NGLY1: variants seen among roughly 807,000 people sequenced by gnomAD.
NGLY1 encodes the protein N-glycanase 1.
NGLY1 carries 68 observed loss-of-function variants against 84.6 expected under a neutral mutation model. The observed-to-expected ratio is 0.80, with a 90% CI of 0.66 to 0.98. The LOEUF (loss-of-function observed/expected upper bound fraction) is 0.98, where lower values mean the gene tolerates loss of function less well. Ranked by LOEUF, NGLY1 falls within the 50% of genes least tolerant of loss-of-function variation. The pLI is 0.00. For synonymous variants in NGLY1, 280 were observed against 275.2 expected (o/e 1.02, Z -0.17); for missense variants, 779 against 770.2 (o/e 1.01, Z -0.14).
intron 5 of NGLY1, among the ~76,000 whole-genome samples, chr3:25,739,050 A>G (rs1274180644): frequency 6.6e-6 from 1 of 152,202 alleles, no homozygotes; most frequent in Non-Finnish European, 1.5e-5. Context: ...TGATAATAAT[A>G]ATGCTGATTA....
rs1340552338 is a variant in NGLY1, at chr3:25,734,082, T to C, written c.1150-100A>G. Reference sequence around the variant, plus strand: ...GTATGTAATTTTTAAATGCATTTTTTTGGAGACGAAGTCTCGCTCTGTTGT... The same window carrying C: ...GTATGTAATTTTTAAATGCATTTTTCTGGAGACGAAGTCTCGCTCTGTTGT... On this transcript the variant is annotated intron_variant, in intron 7 of 11. Coordinates refer to ENST00000280700, the MANE Select transcript of NGLY1 (RefSeq NM_018297.4). 2.7e-6 allele frequency: 4 copies of C among 1,498,900 alleles called. No individual in the cohort carries two copies. The African/African-American group carries it at 4.2e-5, about 16-fold the overall frequency. 92.9% of individuals were successfully genotyped at this position (1,498,900 alleles called of 1,614,324 possible).
intron 4 of NGLY1, among the ~76,000 whole-genome samples, chr3:25,743,995 T>C (rs1045377189): frequency 3.9e-5 from 6 of 152,202 alleles, no homozygotes; most frequent in Non-Finnish European, 8.8e-5. Flanking sequence ...ATTCTGTGAA[T>C]ACTGGGTTTA....
rs2125456752 is a variant in NGLY1, at chr3:25,727,642, T to C, written c.1611+1491A>G. Among the ~76,000 whole-genome samples the C allele has an allele frequency of 1.3e-5, 2 of 152,284 alleles. 1 individual carries two copies. Among genetic ancestry groups the C allele is most frequent in the South Asian group, 4.1e-4 (2 of 4,826 alleles). On this transcript the variant is annotated intron_variant, in intron 10 of 11. Transcript: ENST00000280700. ...TTATGCTTTGGCTTCCCCTTTTAGA[T>C]CGTGAGGTCAGGAATCATCTTTTTG...
rs1332390500 is a variant in NGLY1 at position 25,737,378 on chromosome 3, C to G, written c.959G>C (p.Cys320Ser). The change falls in exon 6 of 12, where the codon TGC (cysteine) becomes TCC (serine). Residue 320 changes from cysteine to serine, a missense_variant. Coordinates refer to ENST00000280700, the MANE Select transcript of NGLY1 (RefSeq NM_018297.4). ...GCGAGCTTCAAACCCTACAGCTCGG[C>G]AGCACAGTGTAAAACAATTGGCCCA... ...GEWANCFTLCCRAVGFEARYV... is the reference protein window; with the variant it reads ...GEWANCFTLCSRAVGFEARYV... The G allele has an allele frequency of 1.2e-5, 20 of 1,613,718 alleles. No homozygotes were observed. The highest frequency in any genetic ancestry group is 6.7e-5 in the Admixed American group (4 of 59,968).
intron 3 of NGLY1, among the ~76,000 whole-genome samples, chr3:25,751,968 C>G (rs530685573): frequency 3.9e-5 from 6 of 152,220 alleles, no homozygotes; most frequent in African/African-American, 1.4e-4. Flanking sequence ...CTGGCACATC[C>G]CACTGTGCAA....
At chr3:25,777,698 T>G (rs1708221155) in intron 2 of NGLY1, 1 of 152,196 alleles carries the variant, frequency 6.6e-6, no homozygotes, top group Admixed American at 6.5e-5. Context: ...TTTATTCTAT[T>G]ACCTGGTCTT....
intron 3 of NGLY1, among the ~76,000 whole-genome samples, chr3:25,757,766 G>A (rs1471332089): frequency 2.0e-5 from 3 of 152,208 alleles, no homozygotes; most frequent in Non-Finnish European, 4.4e-5. Flanking sequence ...CAGAAAGTAT[G>A]AGAATTTCTG....
intron 2 of NGLY1, chr3:25,778,191 T>C (rs35105024): frequency 0.045 from 6,918 of 153,562 alleles, 248 homozygotes; most frequent in African/African-American, 0.1. Context: ...CAACTCAGTT[T>C]TTCTGTTTAC....
At chr3:25,764,859 C>T (rs1468734573) in intron 2 of NGLY1, among the ~76,000 whole-genome samples, 5 of 152,022 alleles carry the variant, frequency 3.3e-5, no homozygotes, top group African/African-American at 1.2e-4. Context: ...AATTTTTCCA[C>T]GATAACGAAA....
intron 8 of NGLY1, among the ~76,000 whole-genome samples, chr3:25,733,515 G>GTGTA (rs1559533681): frequency 8.6e-6 from 1 of 116,234 alleles, no homozygotes; most frequent in African/African-American, 3.2e-5. Flanking sequence ...GTGTGTGTGT[G>GTGTA]TATGTACATA....
intron 5 of NGLY1, 147 bp from the exon 6 acceptor site, chr3:25,737,602 G>A: frequency 1.4e-6 from 1 of 701,208 alleles, no homozygotes; most frequent in Non-Finnish European, 2.2e-6. Context: ...GAGTGCAGTG[G>A]CGCAATCTCG....
chr3:25,787,041 G>T (rs1386555391), upstream of NGLY1, among the ~76,000 whole-genome samples: 1 of 152,226 alleles, frequency 6.6e-6, no homozygotes, highest in Non-Finnish European at 1.5e-5. Context: ...CAGGAAACTT[G>T]TCAGAAAAAC....
chr3:25,723,564 A>T (rs1166018928), intron 10 of NGLY1, among the ~76,000 whole-genome samples: 1 of 89,208 alleles, frequency 1.1e-5, no homozygotes, highest in African/African-American at 2.9e-5. Flanking sequence ...ATTTATAAAA[A>T]ACCTCCAACT....
chr3:25,757,375 T>C (rs778707345), intron 3 of NGLY1, among the ~76,000 whole-genome samples: 1 of 152,184 alleles, frequency 6.6e-6, no homozygotes. Context: ...TTAGCTTTGC[T>C]CTCAATAGTA....
rs117452145 is a variant in NGLY1 at position 25,735,961 on chromosome 3, A to G, written c.1149+43T>C. 1,153 of 1,491,274 alleles carry G rather than the reference A, an allele frequency of 7.7e-4. 21 individuals are homozygous for G. In the East Asian group the frequency reaches 0.026, roughly 33 times the overall value. 92.4% of individuals were successfully genotyped at this position (1,491,274 alleles called of 1,614,324 possible). On this transcript the variant is annotated intron_variant, in intron 7 of 11. Transcript: ENST00000280700. ...TGAAGCTGTCATAAAAGAAAAAAATATATTTTACTTTTGGAAAAAAGTTTT... is the reference window on the plus strand; with the variant it reads ...TGAAGCTGTCATAAAAGAAAAAAATGTATTTTACTTTTGGAAAAAAGTTTT...
chr3:25,745,042 C>G (rs528043809), intron 4 of NGLY1, among the ~76,000 whole-genome samples: 7 of 152,272 alleles, frequency 4.6e-5, no homozygotes, highest in Non-Finnish European at 1.0e-4. Context: ...ACTCATTATG[C>G]CTACCATACC....
At chr3:25,751,290 T>C (rs761772369) in intron 3 of NGLY1, 27 bp from the exon 4 acceptor site, 1 of 1,494,174 alleles carries the variant, frequency 6.7e-7, no homozygotes, top group Non-Finnish European at 8.9e-7. Context: ...AAACTGAAAT[T>C]AACTTTTCAC....
intron 2 of NGLY1, among the ~76,000 whole-genome samples, chr3:25,771,739 C>T (rs1291834036): frequency 1.3e-5 from 2 of 151,880 alleles, no homozygotes; most frequent in Non-Finnish European, 2.9e-5. Context: ...TTATAGAGGT[C>T]TTTCATGTGG....
chr3:25,753,893 C>A (rs1341342463), intron 3 of NGLY1, among the ~76,000 whole-genome samples: 1 of 152,142 alleles, frequency 6.6e-6, no homozygotes, highest in Non-Finnish European at 1.5e-5. Context: ...CAACAAAAAA[C>A]CATTACCAAA....
Sources: gnomAD v4.1 joint callset for allele counts (sites outside exome capture counted in the v4.1 genomes callset) on GRCh38, gnomAD v4.1.1 for gene constraint, MANE v1.5 for transcripts, NCBI Gene and HGNC (gene_info 2026-07-23, HGNC 2026-07-21) for gene names.